SRRM3: variants seen among roughly 807,000 people sequenced by gnomAD.
The protein encoded by SRRM3 is serine/arginine repetitive matrix protein 3.
In SRRM3, 27 loss-of-function variants were observed where a neutral mutation model predicts 66.2. The observed-to-expected ratio is 0.41, with a 90% CI of 0.30 to 0.56. SRRM3 has a LOEUF of 0.56. Ranked by LOEUF, SRRM3 falls within the 20% of genes least tolerant of loss-of-function variation. The pLI is 0.32. For missense variants in SRRM3, 918 were observed against 991.9 expected (o/e 0.93, Z 1.00); for synonymous variants, 391 against 414.9 (o/e 0.94, Z 0.70).
At chr7:76,242,681 C>G (rs1801337960) in intron 2 of SRRM3, among the ~76,000 whole-genome samples, 1 of 152,090 alleles carries the variant, frequency 6.6e-6, no homozygotes, top group Admixed American at 6.6e-5. Context: ...TGCAGCTAGA[C>G]AGTCCCATCT....
chr7:76,256,425 T>G (rs1393471837), intron 3 of SRRM3, among the ~76,000 whole-genome samples: 1 of 151,640 alleles, frequency 6.6e-6, no homozygotes, highest in Non-Finnish European at 1.5e-5. Flanking sequence ...GAGAATCGCT[T>G]GAACCCTGGA....
intron 3 of SRRM3, among the ~76,000 whole-genome samples, chr7:76,251,276 C>G (rs1554606844): frequency 6.6e-6 from 1 of 152,192 alleles, no homozygotes; most frequent in Non-Finnish European, 1.5e-5. Context: ...GGGGGTAAAA[C>G]TTCCCCTGCC....
In SRRM3 at chr7:76,263,875, G is replaced by GCCAAAAAAAAAAAAAAA. The variant is rs1243393227; in HGVS notation, c.675-890_675-889insCCAAAAAAAAAAAAAAA. On this transcript the variant is annotated intron_variant, in intron 8 of 14. Transcript: ENST00000611745. ...GCAACAGAGCGGGACTCTGTCTCAA[G>GCCAAAAAAAAAAAAAAA]ACAAAAAAAAAAAAAAAAAAAAAAA... is the stretch of plus-strand genomic sequence containing the variant. Among the ~76,000 whole-genome samples, 5 of 26,760 alleles carry GCCAAAAAAAAAAAAAAA rather than the reference G, an allele frequency of 1.9e-4. 1 individual carries two copies. Among genetic ancestry groups the GCCAAAAAAAAAAAAAAA allele is most frequent in the Non-Finnish European group, 1.4e-4 (2 of 14,536 alleles). 17.6% of individuals were successfully genotyped at this position (26,760 alleles called of 152,430 possible).
chr7:76,216,954 A>G (rs782090998), intron 1 of SRRM3, among the ~76,000 whole-genome samples: 1 of 152,204 alleles, frequency 6.6e-6, no homozygotes, highest in African/African-American at 2.4e-5. Context: ...CCAGGCAGCC[A>G]GCTTGATTGG....
In SRRM3 at chr7:76,260,802, C is replaced by T. The variant is rs1801844083; in HGVS notation, c.546-72C>T. The T allele has an allele frequency of 9.7e-6, 14 of 1,450,602 alleles. No homozygotes were observed. The South Asian group carries it at 1.6e-4, about 17-fold the overall frequency. 89.9% of individuals were successfully genotyped at this position (1,450,602 alleles called of 1,614,324 possible). A position where few individuals can be genotyped will look rare whatever the true frequency, so the allele number is the denominator to read the frequency against. On this transcript the variant is annotated intron_variant, in intron 5 of 14. Transcript: ENST00000611745. ...CACCCTCCCCTGTCCTGCGTGAGAC[C>T]CTGGCAAGTGTCTGGGGCCCCAACT...
intron 6 of SRRM3, 92 bp downstream of exon 6, chr7:76,260,995 G>T: frequency 7.3e-7 from 1 of 1,367,704 alleles, no homozygotes; most frequent in Non-Finnish European, 1.0e-6. Context: ...CGGAGGCCTG[G>T]ACCCTCAGGG....
chr7:76,274,118 G>A (rs1369564415), intron 11 of SRRM3, among the ~76,000 whole-genome samples: 3 of 152,246 alleles, frequency 2.0e-5, no homozygotes, highest in African/African-American at 7.2e-5. Flanking sequence ...TGGCCTTCAG[G>A]GCCCTTTCGG....
In SRRM3 at chr7:76,235,339, G is replaced by A. The variant is rs782502568; in HGVS notation, c.233+40G>A. On this transcript the variant is annotated intron_variant, in intron 2 of 14. Transcript: ENST00000611745. The stretch of plus-strand genomic sequence containing the variant: ...GGGCGGGACTGGGGTGGGGAGATAG[G>A]CGGGGCGAGGGTGGGAGAAGCGAGT... 9.1e-6 allele frequency: 13 copies of A among 1,433,956 alleles called. No individual in the cohort carries two copies. The African/African-American group carries it at 1.9e-4, about 21-fold the overall frequency. 88.8% of individuals were successfully genotyped at this position (1,433,956 alleles called of 1,614,324 possible). A position where few individuals can be genotyped will look rare whatever the true frequency, so the allele number is the denominator to read the frequency against.
intron 11 of SRRM3, among the ~76,000 whole-genome samples, chr7:76,280,492 T>G (rs975712345): frequency 4.7e-5 from 7 of 149,622 alleles, no homozygotes; most frequent in African/African-American, 1.7e-4. Flanking sequence ...CTCTCTTCTC[T>G]CTGCCGGGAA....
intron 3 of SRRM3, among the ~76,000 whole-genome samples, chr7:76,256,290 T>C (rs1442296066): frequency 6.6e-6 from 1 of 152,102 alleles, no homozygotes; most frequent in African/African-American, 2.4e-5. Context: ...GTAGATCACC[T>C]GAGGTCAGGA....
In SRRM3 at chr7:76,282,922, GGCCGGGCCGCGTCGCTCACTTACCTCGC is replaced by G; in HGVS notation, c.1596-36_1596-9del. On this transcript the variant is annotated splice_polypyrimidine_tract_variant and intron_variant, in intron 13 of 14. Coordinates refer to ENST00000611745, the MANE Select transcript of SRRM3 (RefSeq NM_001110199.3). ...GACGGGGCGGGCGGCGGGGTGGAGCGGCCGGGCCGCGTCGCTCACTTACCTCGCGCCGGCCCCGCAGGGACAAGGACGG... is the reference window on the plus strand; with the variant it reads ...GACGGGGCGGGCGGCGGGGTGGAGCGGCCGGCCCCGCAGGGACAAGGACGG... 7.6e-7 allele frequency: 1 copy of G among 1,308,556 alleles called. No individual in the cohort carries two copies. Among genetic ancestry groups the G allele is most frequent in the Non-Finnish European group, 9.7e-7 (1 of 1,034,694 alleles). The allele number at this position is 1,308,556 out of a possible 1,614,324, so 81.1% of individuals were successfully genotyped here.
chr7:76,234,487 C>T (rs2116994290), intron 1 of SRRM3, among the ~76,000 whole-genome samples: 1 of 152,246 alleles, frequency 6.6e-6, no homozygotes, highest in Non-Finnish European at 1.5e-5. Flanking sequence ...TAAAATCTGC[C>T]TCTGGGGTGG....
At chr7:76,236,980 C>T (rs1801168351) in intron 2 of SRRM3, among the ~76,000 whole-genome samples, 2 of 152,120 alleles carry the variant, frequency 1.3e-5, no homozygotes, top group African/African-American at 4.8e-5. Flanking sequence ...CAGCCAGATT[C>T]GGTGGCTCAC....
chr7:76,220,807 G>C (rs1171618141), intron 1 of SRRM3, among the ~76,000 whole-genome samples: 1 of 152,174 alleles, frequency 6.6e-6, no homozygotes, highest in Non-Finnish European at 1.5e-5. Flanking sequence ...TTGGGGCTCT[G>C]GCCAAGATTT....
At chr7:76,279,251 G>A (rs1802436532) in intron 11 of SRRM3, among the ~76,000 whole-genome samples, 1 of 151,938 alleles carries the variant, frequency 6.6e-6, no homozygotes, top group Admixed American at 6.6e-5. Context: ...AGAGTGAGAT[G>A]CCTTCTCAAA....
chr7:76,260,234 G>T, intron 5 of SRRM3, 37 bp downstream of exon 5: 1 of 1,483,032 alleles, frequency 6.7e-7, no homozygotes, highest in South Asian at 1.3e-5. Flanking sequence ...GAAGGGAGGA[G>T]GAGGTGGGGT....
At chr7:76,271,271 C>A (rs1026857902) in intron 11 of SRRM3, among the ~76,000 whole-genome samples, 3 of 152,108 alleles carry the variant, frequency 2.0e-5, no homozygotes, top group Middle Eastern at 6.8e-3. Context: ...CAGTTCCAGA[C>A]TGACTGGTCA....
At position 76,214,126 on chromosome 7, in the gene SRRM3, C is replaced by T. The variant is rs142341842; in HGVS notation, c.-40+12059C>T. Among the ~76,000 whole-genome samples the T allele has an allele frequency of 6.2e-3, 936 of 152,166 alleles. 3 individuals carry two copies. The highest frequency in any genetic ancestry group is 8.5e-3 in the Non-Finnish European group (581 of 67,996). Reference sequence around the variant, plus strand: ...TAGTTTCCCAGACAGGAGGCCTTTTCCCTCCTCCACCATGCTGTGGTTCAC... The same window carrying T: ...TAGTTTCCCAGACAGGAGGCCTTTTTCCTCCTCCACCATGCTGTGGTTCAC... On this transcript the variant is annotated intron_variant, in intron 1 of 14. Coordinates refer to ENST00000611745, the MANE Select transcript of SRRM3 (RefSeq NM_001110199.3).
At chr7:76,251,039 T>C (rs1801568619) in intron 3 of SRRM3, among the ~76,000 whole-genome samples, 1 of 152,208 alleles carries the variant, frequency 6.6e-6, no homozygotes, top group African/African-American at 2.4e-5. Context: ...GCCATTGTGT[T>C]CCTGGCTAAT....
Sources: allele counts gnomAD v4.1 joint callset (sites outside exome capture counted in the v4.1 genomes callset), GRCh38; gene constraint gnomAD v4.1.1; transcripts MANE v1.5; gene names NCBI Gene and HGNC (gene_info 2026-07-23, HGNC 2026-07-21).